Variants in RAI1 observed in about 807,000 individuals in gnomAD.
RAI1 encodes the protein retinoic acid induced 1, also known as retinoic acid-induced protein 1.
RAI1 carries 9 observed loss-of-function variants against 123.8 expected under a neutral mutation model. The ratio of observed to expected loss-of-function variants is 0.07; its 90% CI spans 0.04 to 0.13. RAI1 has a LOEUF of 0.13. RAI1 is among the 10% of genes least tolerant of loss of function. The pLI is 1.00. For missense variants in RAI1, 2,256 were observed against 2,545.8 expected, an observed-to-expected ratio of 0.89 and a Z score of 2.45; for synonymous variants, 1,231 against 1,127.3, an observed-to-expected ratio of 1.09 and a Z score of -1.84.
At chr17:17,712,191 T>C (rs1291794114) in intron 1 of RAI1, among the ~76,000 whole-genome samples, 1 of 152,244 alleles carries the variant, frequency 6.6e-6, no homozygotes, top group Non-Finnish European at 1.5e-5. Context: ...GAGCTGCAAC[T>C]CTGTGCTAGG....
At chr17:17,694,923 T>G (rs1316370889) in intron 1 of RAI1, among the ~76,000 whole-genome samples, 7 of 152,158 alleles carry the variant, frequency 4.6e-5, no homozygotes, top group Admixed American at 4.6e-4. Context: ...GGCCGGCGCT[T>G]GCGGGTTACC....
At position 17,797,227 on chromosome 17, in the gene RAI1, G is replaced by C. The variant is rs766363196; in HGVS notation, c.4279G>C (p.Glu1427Gln). The C allele has an allele frequency of 6.2e-7, 1 of 1,613,516 alleles. No individual in the cohort carries two copies. Among genetic ancestry groups the C allele is most frequent in the Non-Finnish European group, 8.5e-7 (1 of 1,180,028 alleles). Residue 1427 changes from glutamate to glutamine, a missense_variant, in exon 3 of 6, where the codon GAG becomes CAG. By Grantham distance (29) the Glu-to-Gln change is conservative (BLOSUM62 2). This residue lies in a region of RAI1 where 410 missense variants were observed against 374.6 expected (regional missense o/e 1.09). Transcript: ENST00000353383. ...GTCTTCTACTGACTGTTTCAAAACCGAGGCCTTCACATCCCCGGAGGCCCT... is the reference window on the plus strand; with the variant it reads ...GTCTTCTACTGACTGTTTCAAAACCCAGGCCTTCACATCCCCGGAGGCCCT... ...KLSSTDCFKT[E>Q]AFTSPEALQP... is the part of the protein sequence containing the mutation.
rs1399907245 is a variant in RAI1, at chr17:17,714,090, C to T, written c.-148-9938C>T. 6.6e-6 allele frequency among the ~76,000 whole-genome samples: 1 copy of T among 152,130 alleles called. No homozygotes were observed. Among genetic ancestry groups the T allele is most frequent in the African/African-American group, 2.4e-5 (1 of 41,416 alleles). ...TGCATGCCTTCAGCCGCAGGTTGCT[C>T]ACCACCTCCCGAGCAGCTCCCTCCT... On this transcript the variant is annotated intron_variant, in intron 1 of 5. Transcript: ENST00000353383. This position sits in a 1 kb window ranked among gnomAD's most constrained non-coding sequence, Gnocchi z 4.9.
chr17:17,747,828 G>A (rs895908936), intron 2 of RAI1, among the ~76,000 whole-genome samples: 1 of 152,190 alleles, frequency 6.6e-6, no homozygotes, highest in Non-Finnish European at 1.5e-5. Context: ...GCTTTGGGAG[G>A]TAGAAGCAGG....
chr17:17,702,473 A>T (rs574840847), intron 1 of RAI1, among the ~76,000 whole-genome samples: 1 of 152,354 alleles, frequency 6.6e-6, no homozygotes, highest in South Asian at 2.1e-4. Flanking sequence ...GGCTAATAGC[A>T]GTGGGGCCTG....
At chr17:17,696,155 AT>A (rs1335569553) in intron 1 of RAI1, among the ~76,000 whole-genome samples, 1 of 152,220 alleles carries the variant, frequency 6.6e-6, no homozygotes, top group Non-Finnish European at 1.5e-5. Flanking sequence ...AAACTTTATA[AT>A]TCCACCAGCA....
At chr17:17,758,232 G>A (rs2030529311) in intron 2 of RAI1, among the ~76,000 whole-genome samples, 1 of 151,966 alleles carries the variant, frequency 6.6e-6, no homozygotes, top group Non-Finnish European at 1.5e-5. Context: ...GCCGCCACAA[G>A]CCCTACCAAC....
intron 2 of RAI1, among the ~76,000 whole-genome samples, chr17:17,760,950 C>G (rs565164703): frequency 6.6e-6 from 1 of 152,214 alleles, no homozygotes; most frequent in Non-Finnish European, 1.5e-5. Flanking sequence ...CGCAGATTAC[C>G]CCCTTGCCAA....
At chr17:17,807,267 G>A (rs2032613274) in intron 4 of RAI1, among the ~76,000 whole-genome samples, 2 of 130,772 alleles carry the variant, frequency 1.5e-5, no homozygotes, top group Non-Finnish European at 3.3e-5. Flanking sequence ...GCGGGGGGGT[G>A]GGAGTGAGAG....
At chr17:17,789,890 G>C (rs2031952055) in intron 2 of RAI1, among the ~76,000 whole-genome samples, 1 of 152,140 alleles carries the variant, frequency 6.6e-6, no homozygotes, top group African/African-American at 2.4e-5. Context: ...TGAGCCCAGT[G>C]GGTGGGGGGT....
Position 17,765,658 on chromosome 17 carries a change from C to T in RAI1, c.-16-27275C>T, listed in dbSNP as rs116150877. ...GTGAGGAATCTCCCTGCAAGTCACC[C>T]GTTTCACAAGAGGGAAGACGGCCCA... On this transcript the variant is annotated intron_variant, in intron 2 of 5. Coordinates refer to ENST00000353383, the MANE Select transcript of RAI1 (RefSeq NM_030665.4). 4.7e-3 allele frequency among the ~76,000 whole-genome samples: 711 copies of T among 152,364 alleles called. 11 individuals carry two copies. The highest frequency in any genetic ancestry group is 0.016 in the African/African-American group (665 of 41,582).
intron 4 of RAI1, among the ~76,000 whole-genome samples, chr17:17,806,349 T>C (rs2032592615): frequency 6.6e-6 from 1 of 152,182 alleles, no homozygotes; most frequent in Non-Finnish European, 1.5e-5. Context: ...GGGATCCCTG[T>C]AGCACCGTGA....
Position 17,796,173 on chromosome 17 carries a change from C to T in RAI1, c.3225C>T (p.Thr1075=), listed in dbSNP as rs1289410695. The part of the protein sequence containing the change: ...EPRTPGPPGL[T]TTPAPPDKLG... The stretch of plus-strand genomic sequence containing the variant: ...GCACGCCCGGACCCCCAGGCCTGAC[C>T]ACCACCCCTGCACCCCCAGACAAAC... The change falls in exon 3 of 6, where the codon ACC becomes ACT. Residue 1075 remains threonine (T), a synonymous_variant. Transcript: ENST00000353383. The surrounding 1 kb of genome is among the most constrained non-coding windows in gnomAD (Gnocchi z 5.8). 2 of 1,556,798 alleles carry T rather than the reference C, an allele frequency of 1.3e-6. No homozygotes were observed. The highest frequency in any genetic ancestry group is 2.3e-5 in the East Asian group (1 of 43,382).
rs1448342965 is a variant in RAI1, at chr17:17,809,873, G to C, written c.5710-97G>C. ...CCCAGCCGCGCTCTGGGGTCGCCTG[G>C]GTCTGGGGCTTAGGCGGGGGGCCCA... On this transcript the variant is annotated intron_variant, in intron 5 of 5. Coordinates refer to ENST00000353383, the MANE Select transcript of RAI1 (RefSeq NM_030665.4). This position sits in a 1 kb window ranked among gnomAD's most constrained non-coding sequence, Gnocchi z 4.9. 2 of 1,530,498 alleles carry C rather than the reference G, an allele frequency of 1.3e-6. No individual in the cohort carries two copies. Among genetic ancestry groups the C allele is most frequent in the East Asian group, 2.5e-5 (1 of 40,690 alleles). The allele number at this position is 1,530,498 out of a possible 1,614,324, so 94.8% of individuals were successfully genotyped here.
intron 1 of RAI1, among the ~76,000 whole-genome samples, chr17:17,723,491 C>T (rs2142929044): frequency 6.6e-6 from 1 of 152,138 alleles, no homozygotes; most frequent in Middle Eastern, 3.4e-3. Flanking sequence ...CCTCCCTCCC[C>T]TCCTCTATCT....
intron 2 of RAI1, among the ~76,000 whole-genome samples, chr17:17,735,778 T>G (rs948157230): frequency 6.6e-6 from 1 of 152,220 alleles, no homozygotes; most frequent in African/African-American, 2.4e-5. Context: ...TGTGCCTTCC[T>G]CTCTTTTGTG....
chr17:17,764,489 T>TC (rs1170972946), intron 2 of RAI1, among the ~76,000 whole-genome samples: 3 of 151,658 alleles, frequency 2.0e-5, no homozygotes, highest in Middle Eastern at 3.2e-3. Flanking sequence ...TTTTTTTTTT[T>TC]TGAGACAAAA....
chr17:17,789,378 C>T lies in RAI1; in HGVS notation c.-16-3555C>T, dbSNP rs115719300. On this transcript the variant is annotated intron_variant, in intron 2 of 5. Transcript: ENST00000353383. Reference sequence around the variant, plus strand: ...AGGTGTTCTGCAGCCGCCTTGCTCCCGCCTCAGCAGTCCTATAGATTTCTG... The same window carrying T: ...AGGTGTTCTGCAGCCGCCTTGCTCCTGCCTCAGCAGTCCTATAGATTTCTG... 3.3e-3 allele frequency among the ~76,000 whole-genome samples: 499 copies of T among 152,344 alleles called. 4 individuals carry two copies. Among genetic ancestry groups the T allele is most frequent in the African/African-American group, 0.011 (476 of 41,570 alleles).
chr17:17,688,860 A>G lies in RAI1; in HGVS notation c.-149+7067A>G, dbSNP rs559240752. 2.0e-5 allele frequency among the ~76,000 whole-genome samples: 3 copies of G among 152,170 alleles called. No homozygotes were observed. The East Asian group carries it at 5.8e-4, about 29-fold the overall frequency. ...TGATCCGCCTGCCTCGGCCTCCCAA[A>G]GTGCTGGGATTACAGGCGTGAGTCA... is the stretch of plus-strand genomic sequence containing the variant. On this transcript the variant is annotated intron_variant, in intron 1 of 5. Transcript: ENST00000353383.
Sources: gnomAD v4.1 joint callset for allele counts (sites outside exome capture counted in the v4.1 genomes callset) on GRCh38, gnomAD v4.1.1 for gene constraint, gnomAD v4.1.1 regional missense constraint, Gnocchi (gnomAD v3.1) non-coding constraint, MANE v1.5 for transcripts, NCBI Gene and HGNC (gene_info 2026-07-23, HGNC 2026-07-21) for gene names.